KLF12: variants seen among roughly 807,000 people sequenced by gnomAD.
KLF12 encodes Krueppel-like factor 12.
Under a neutral mutation model 37.8 loss-of-function variants are expected in KLF12, and 9 were observed. The observed-to-expected ratio is 0.24, with a 90% CI of 0.14 to 0.42. The LOEUF is 0.42. Among genes scored for constraint, KLF12 ranks in the 10% least tolerant of loss-of-function variants. KLF12 has a pLI of 1.00. For missense variants in KLF12, 411 were observed against 516.0 expected, an observed-to-expected ratio of 0.80 and a Z score of 1.97; for synonymous variants, 208 against 202.1, an observed-to-expected ratio of 1.03 and a Z score of -0.25.
At chr13:74,117,895 AAACTT>A (rs1175193260) in intron 1 of KLF12, among the ~76,000 whole-genome samples, 1 of 151,634 alleles carries the variant, frequency 6.6e-6, no homozygotes, top group African/African-American at 2.4e-5. Context: ...ACAAAACAGA[AAACTT>A]AACAGGTGTA....
chr13:74,294,230 C>T, the KLF12 span, among the ~76,000 whole-genome samples: 2 of 152,096 alleles, frequency 1.3e-5, no homozygotes, highest in African/African-American at 4.8e-5. Flanking sequence ...AATTTTGTTA[C>T]ATGCACCGAT....
the KLF12 span, among the ~76,000 whole-genome samples, chr13:74,265,907 A>G: frequency 6.6e-6 from 1 of 152,260 alleles, no homozygotes; most frequent in African/African-American, 2.4e-5. Context: ...TAGTGCTACC[A>G]TCAATGACTG....
chr13:73,776,856 G>A (rs1370425178), intron 5 of KLF12, among the ~76,000 whole-genome samples: 1 of 152,046 alleles, frequency 6.6e-6, no homozygotes, highest in South Asian at 2.1e-4. Flanking sequence ...AAAAATACAT[G>A]AACAGGAAGG....
At chr13:73,770,524 AC>A (rs1880198935) in intron 5 of KLF12, among the ~76,000 whole-genome samples, 1 of 129,522 alleles carries the variant, frequency 7.7e-6, no homozygotes, top group African/African-American at 2.8e-5. Flanking sequence ...TAATATGTGA[AC>A]TTTTTTTTTT....
intron 1 of KLF12, among the ~76,000 whole-genome samples, chr13:74,010,447 T>C (rs527643433): frequency 6.6e-6 from 1 of 152,330 alleles, no homozygotes; most frequent in African/African-American, 2.4e-5. Context: ...AGATGTGGCA[T>C]GCTACACCCT....
At chr13:74,042,361 G>T (rs1423974158) in intron 1 of KLF12, among the ~76,000 whole-genome samples, 2 of 151,270 alleles carry the variant, frequency 1.3e-5, no homozygotes, top group African/African-American at 2.4e-5. Flanking sequence ...GGCCAATTCT[G>T]AATAGATAAG....
At chr13:74,009,266 C>A (rs749446413) in intron 1 of KLF12, among the ~76,000 whole-genome samples, 44 of 152,278 alleles carry the variant, frequency 2.9e-4, no homozygotes, top group Non-Finnish European at 4.9e-4. Flanking sequence ...ATATTACTTA[C>A]AATAGTATTT....
chr13:74,051,467 G>A (rs756211752), intron 1 of KLF12, among the ~76,000 whole-genome samples: 4 of 152,092 alleles, frequency 2.6e-5, no homozygotes, highest in South Asian at 2.1e-4. Flanking sequence ...GTGGTGGTGC[G>A]AGGAGGGGCA....
intron 6 of KLF12, among the ~76,000 whole-genome samples, chr13:73,751,777 T>C (rs943990460): frequency 4.6e-5 from 7 of 152,142 alleles, no homozygotes; most frequent in African/African-American, 1.7e-4. Context: ...TATTAAGACG[T>C]ATTTATTCAG....
the KLF12 span, among the ~76,000 whole-genome samples, chr13:74,238,400 T>C: frequency 7.3e-6 from 1 of 137,594 alleles, no homozygotes; most frequent in African/African-American, 3.4e-5. Flanking sequence ...TCTAAAATTC[T>C]CTTTTTTGGT....
At chr13:74,120,095 C>T (rs1877537874) in intron 1 of KLF12, among the ~76,000 whole-genome samples, 1 of 152,028 alleles carries the variant, frequency 6.6e-6, no homozygotes, top group African/African-American at 2.4e-5. Flanking sequence ...AATTGAATAC[C>T]CACCTAAAAC....
rs117756709 is a variant in KLF12 at position 73,854,224 on chromosome 13, G to A, written c.124-7851C>T. On this transcript the variant is annotated intron_variant, in intron 3 of 7. Transcript: ENST00000377669. ...AAAACCTGTTGTATAGACTTTTAGG[G>A]GATAAATCTTTATCCTAAACCACAA... is the stretch of plus-strand genomic sequence containing the variant. 5.2e-3 allele frequency among the ~76,000 whole-genome samples: 792 copies of A among 152,158 alleles called. 2 individuals carry two copies. Among genetic ancestry groups the A allele is most frequent in the Middle Eastern group, 0.014 (4 of 294 alleles).
intron 3 of KLF12, among the ~76,000 whole-genome samples, chr13:73,892,140 A>G (rs1887538010): frequency 6.6e-6 from 1 of 152,032 alleles, no homozygotes; most frequent in Non-Finnish European, 1.5e-5. Flanking sequence ...AGATTTGGGC[A>G]TTTTAAGAAG....
Position 74,004,647 on chromosome 13 carries a change from A to C in KLF12, c.-31-9594T>G, listed in dbSNP as rs561387206. Among the ~76,000 whole-genome samples, 7 of 152,352 alleles carry C rather than the reference A, an allele frequency of 4.6e-5. No individual in the cohort carries two copies. The South Asian group carries it at 1.4e-3, about 32-fold the overall frequency. On this transcript the variant is annotated intron_variant, in intron 1 of 7. Coordinates refer to ENST00000377669, the MANE Select transcript of KLF12 (RefSeq NM_007249.5). ...TTCCCCTCAAGCAGTTTAAAATAAG[A>C]TATTTCTAAACTAATGACATAAACT...
At chr13:74,198,475 G>A in the KLF12 span, among the ~76,000 whole-genome samples, 2 of 145,552 alleles carry the variant, frequency 1.4e-5, no homozygotes, top group South Asian at 2.2e-4. Context: ...GTGCTGGCCT[G>A]TAATCCTCTG....
At chr13:74,049,427 G>A (rs1461430741) in intron 1 of KLF12, among the ~76,000 whole-genome samples, 1 of 152,162 alleles carries the variant, frequency 6.6e-6, no homozygotes, top group Non-Finnish European at 1.5e-5. Flanking sequence ...TGACTCTGCT[G>A]AGAAGAGCAC....
chr13:73,759,295 A>G (rs1335039884), intron 6 of KLF12, among the ~76,000 whole-genome samples: 1 of 152,204 alleles, frequency 6.6e-6, no homozygotes, highest in East Asian at 1.9e-4. Flanking sequence ...ATTTCCACAT[A>G]TTAAAGTCCA....
intron 3 of KLF12, among the ~76,000 whole-genome samples, chr13:73,910,375 T>C (rs1459657751): frequency 6.6e-6 from 1 of 152,160 alleles, no homozygotes; most frequent in Non-Finnish European, 1.5e-5. Context: ...CTAAATATAT[T>C]TGGCAAAATT....
At chr13:74,261,303 A>G in the KLF12 span, among the ~76,000 whole-genome samples, 2 of 152,144 alleles carry the variant, frequency 1.3e-5, no homozygotes, top group South Asian at 4.1e-4. Context: ...AATAGAAGAA[A>G]ATTATCTTCA....
Sources: gnomAD v4.1 joint callset for allele counts (sites outside exome capture counted in the v4.1 genomes callset) on GRCh38, gnomAD v4.1.1 for gene constraint, MANE v1.5 for transcripts, NCBI Gene and HGNC (gene_info 2026-07-23, HGNC 2026-07-21) for gene names.